Variants in TTC17 observed in about 807,000 individuals in gnomAD.
TTC17 encodes the protein tetratricopeptide repeat protein 17.
TTC17 carries 58 observed loss-of-function variants against 143.8 expected under a neutral mutation model. The observed-to-expected ratio is 0.40, with a 90% CI of 0.33 to 0.50. The LOEUF (loss-of-function observed/expected upper bound fraction) is 0.50. TTC17 is among the 20% of genes least tolerant of loss of function. The pLI, the probability that TTC17 is intolerant of heterozygous loss-of-function variation, is 0.49. For missense variants in TTC17, 1,273 were observed against 1,392.5 expected (o/e 0.91, Z 1.37); for synonymous variants, 501 against 497.8 (o/e 1.01, Z -0.09).
At chr11:43,402,127 T>A (rs1565147149) in intron 10 of TTC17, among the ~76,000 whole-genome samples, 1 of 152,280 alleles carries the variant, frequency 6.6e-6, no homozygotes, top group East Asian at 1.9e-4. Context: ...TGCTTTCTAT[T>A]TCTTAAAGTA....
intron 21 of TTC17, among the ~76,000 whole-genome samples, chr11:43,460,761 C>T (rs1040093910): frequency 6.6e-6 from 1 of 152,160 alleles, no homozygotes; most frequent in African/African-American, 2.4e-5. Context: ...TCTGGGGCCT[C>T]AACTGGGGTG....
At chr11:43,402,413 T>A (rs1715782385) in intron 10 of TTC17, among the ~76,000 whole-genome samples, 1 of 152,148 alleles carries the variant, frequency 6.6e-6, no homozygotes, top group African/African-American at 2.4e-5. Flanking sequence ...TCTCTCACTT[T>A]CTGTCGCTGT....
chr11:43,419,253 G>A (rs767896942), intron 16 of TTC17, among the ~76,000 whole-genome samples: 8 of 152,158 alleles, frequency 5.3e-5, no homozygotes, highest in Non-Finnish European at 1.2e-4. Flanking sequence ...AAGTTTCTCT[G>A]TCTAATACAT....
intron 21 of TTC17, among the ~76,000 whole-genome samples, chr11:43,482,885 A>G (rs541144421): frequency 3.3e-5 from 5 of 152,280 alleles, no homozygotes; most frequent in Non-Finnish European, 7.4e-5. Context: ...ATAGAAAACA[A>G]AGATATAATA....
chr11:43,408,203 T>C (rs562148991), intron 15 of TTC17, among the ~76,000 whole-genome samples: 1 of 152,202 alleles, frequency 6.6e-6, no homozygotes, highest in Non-Finnish European at 1.5e-5. Flanking sequence ...AATATACAAT[T>C]AAATTGATTT....
At chr11:43,390,305 A>T (rs1300804414) in intron 3 of TTC17, 1 of 152,492 alleles carries the variant, frequency 6.6e-6, no homozygotes, top group Non-Finnish European at 1.5e-5. Context: ...GCTGGGTGAC[A>T]GAGTGAGACC....
chr11:43,407,655 A>G lies in TTC17; in HGVS notation c.2064+78A>G, dbSNP rs1021415213. 1.6e-5 allele frequency: 22 copies of G among 1,338,492 alleles called. No homozygotes were observed. In the Middle Eastern group the frequency reaches 5.5e-4, roughly 34 times the overall value. 82.9% of individuals were successfully genotyped at this position (1,338,492 alleles called of 1,614,324 possible). ...TTTAGATTACAATTTGTATTTTTCT[A>G]GGGAAAGCATAAAAAATGTCATGTT... On this transcript the variant is annotated intron_variant, in intron 15 of 23. Transcript: ENST00000039989.
intron 16 of TTC17, chr11:43,435,311 A>G (rs1345379546): frequency 6.6e-6 from 1 of 152,162 alleles, no homozygotes; most frequent in African/African-American, 2.4e-5. Flanking sequence ...CACAAGGGGG[A>G]AAGAGGACAC....
intron 21 of TTC17, among the ~76,000 whole-genome samples, chr11:43,486,669 G>A (rs905754677): frequency 6.6e-6 from 1 of 152,034 alleles, no homozygotes; most frequent in Non-Finnish European, 1.5e-5. Context: ...GTCGTTTCTG[G>A]AATATTCATT....
intron 21 of TTC17, among the ~76,000 whole-genome samples, chr11:43,480,887 CA>C (rs58806758): frequency 0.14 from 14,328 of 98,854 alleles, 748 homozygotes; most frequent in Middle Eastern, 0.22. Flanking sequence ...CAAGAAAATG[CA>C]AAAAAAAAAA....
chr11:43,450,333 TA>T (rs1269265158), intron 20 of TTC17, 92 bp downstream of exon 20: 794 of 1,332,994 alleles, frequency 6.0e-4, no homozygotes, highest in South Asian at 1.4e-3. Context: ...CCGGGCCTTT[TA>T]AAAAAAAATA....
At chr11:43,434,916 G>C (rs899732735) in intron 16 of TTC17, among the ~76,000 whole-genome samples, 3 of 152,154 alleles carry the variant, frequency 2.0e-5, no homozygotes, top group Non-Finnish European at 2.9e-5. Context: ...AAAAGGTTTT[G>C]AGTCCATTAC....
intron 21 of TTC17, among the ~76,000 whole-genome samples, chr11:43,473,761 G>A (rs999514132): frequency 2.6e-5 from 4 of 151,904 alleles, no homozygotes; most frequent in African/African-American, 7.3e-5. Context: ...GCAAGCACCT[G>A]TAATCCCAGC....
At chr11:43,362,743 G>A (rs1856169044) in intron 1 of TTC17, among the ~76,000 whole-genome samples, 1 of 152,146 alleles carries the variant, frequency 6.6e-6, no homozygotes, top group African/African-American at 2.4e-5. Flanking sequence ...ACAGGCTTGT[G>A]CCACCATGCC....
intron 1 of TTC17, among the ~76,000 whole-genome samples, chr11:43,368,442 A>C (rs1439367434): frequency 1.3e-5 from 2 of 152,058 alleles, no homozygotes; most frequent in Non-Finnish European, 2.9e-5. Context: ...CCCAGGTCCA[A>C]AATTTTGGTA....
chr11:43,410,750 A>T (rs1409986693), intron 15 of TTC17, among the ~76,000 whole-genome samples: 1 of 152,182 alleles, frequency 6.6e-6, no homozygotes, highest in South Asian at 2.1e-4. Context: ...CGCTGTTCCA[A>T]ATTTATTCTT....
At chr11:43,378,462 T>G (rs188010932) in intron 1 of TTC17, among the ~76,000 whole-genome samples, 2 of 152,356 alleles carry the variant, frequency 1.3e-5, no homozygotes, top group East Asian at 3.9e-4. Flanking sequence ...TCTCTGTCAC[T>G]TTATTGATTT....
chr11:43,491,903 G>A (rs1948480117), intron 22 of TTC17, 117 bp from the exon 23 acceptor site: 14 of 1,347,546 alleles, frequency 1.0e-5, no homozygotes, highest in Non-Finnish European at 1.4e-5. Flanking sequence ...CACTTTGAGT[G>A]GCACTGTTCT....
chr11:43,359,764 C>G (rs934166137), intron 1 of TTC17, among the ~76,000 whole-genome samples: 2 of 152,236 alleles, frequency 1.3e-5, no homozygotes, highest in Non-Finnish European at 2.9e-5. Context: ...TTACTGCCCT[C>G]GTTTCCCAGT....
Sources: gnomAD v4.1 joint callset for allele counts (sites outside exome capture counted in the v4.1 genomes callset) on GRCh38, gnomAD v4.1.1 for gene constraint, MANE v1.5 for transcripts, NCBI Gene and HGNC (gene_info 2026-07-23, HGNC 2026-07-21) for gene names.